ASB8: variants seen among roughly 807,000 people sequenced by gnomAD.
ASB8 encodes ankyrin repeat and SOCS box protein 8.
A neutral mutation model predicts 22.9 loss-of-function variants in ASB8; 15 were observed. That is an observed-to-expected ratio of 0.66 (90% CI 0.44 to 1.01). The LOEUF (loss-of-function observed/expected upper bound fraction) is 1.01, where lower values mean the gene tolerates loss of function less well. Among genes scored for constraint, ASB8 ranks in the 50% least tolerant of loss-of-function variants. ASB8 has a pLI of 0.00. For missense variants in ASB8, 294 were observed against 356.9 expected (o/e 0.82, Z 1.42); for synonymous variants, 124 against 140.8 (o/e 0.88, Z 0.84).
In ASB8 at chr12:48,149,511, G is replaced by C; in HGVS notation, c.722C>G (p.Thr241Ser). 1 of 1,614,236 alleles carries C rather than the reference G, an allele frequency of 6.2e-7. No homozygotes were observed. Among genetic ancestry groups the C allele is most frequent in the Non-Finnish European group, 8.5e-7 (1 of 1,180,050 alleles). ...ARDPQLCEKL[T>S]VLCSAPGTLK... ...AGTTCCTGGAGCTGAGCACAGAACA[G>C]TCAGTTTTTCACATAGCTGCGGGTC... Residue 241 changes from threonine to serine, a missense_variant, in exon 4 of 4, where the codon ACT becomes AGT. Transcript: ENST00000317697.
chr12:48,150,099 G>A lies in ASB8; in HGVS notation c.235-101C>T, dbSNP rs745829297. 4.9e-5 allele frequency: 66 copies of A among 1,342,078 alleles called. No homozygotes were observed. The Middle Eastern group carries it at 5.4e-4, about 11-fold the overall frequency. The allele number at this position is 1,342,078 out of a possible 1,614,324, so 83.1% of individuals were successfully genotyped here. On this transcript the variant is annotated intron_variant, in intron 3 of 3. Coordinates refer to ENST00000317697, the MANE Select transcript of ASB8 (RefSeq NM_024095.5). The stretch of plus-strand genomic sequence containing the variant: ...GGTTACCCACTACCTTTGCTATGCA[G>A]TGCTCTGAACAGGAGGGTCAGCAAG...
intron 1 of ASB8, among the ~76,000 whole-genome samples, chr12:48,155,746 T>A (rs867982294): frequency 0.047 from 6,208 of 131,100 alleles, 240 homozygotes; most frequent in Non-Finnish European, 0.08. Context: ...AAAAAAAATA[T>A]ATATATATAT....
rs770416406 is a variant in ASB8 at position 48,151,246 on chromosome 12, C to T, written c.189G>A (p.Val63=). 3.1e-6 allele frequency: 5 copies of T among 1,614,064 alleles called. No individual in the cohort carries two copies. Among genetic ancestry groups the T allele is most frequent in the Non-Finnish European group, 3.4e-6 (4 of 1,180,024 alleles). ...TLKPLHCACM[V]SDADCVELLL... is the part of the protein sequence containing the mutation. ...GTAACTCCACACAGTCAGCATCTGA[C>T]ACCATACAGGCACAGTGCAAGGGCT... The change falls in exon 3 of 4, where the codon GTG becomes GTA. Residue 63 remains valine, a synonymous_variant. Coordinates refer to ENST00000317697, the MANE Select transcript of ASB8 (RefSeq NM_024095.5).
chr12:48,156,600 C>T (rs769559922), intron 1 of ASB8, among the ~76,000 whole-genome samples: 5 of 152,008 alleles, frequency 3.3e-5, no homozygotes, highest in Non-Finnish European at 7.4e-5. Flanking sequence ...AAAACCCAAT[C>T]GTCTCTACAA....
intron 1 of ASB8, among the ~76,000 whole-genome samples, chr12:48,156,291 A>G (rs1339404262): frequency 6.6e-6 from 1 of 152,186 alleles, no homozygotes; most frequent in Non-Finnish European, 1.5e-5. Flanking sequence ...ATATGTCTCT[A>G]TGACATTTTC....
intron 2 of ASB8, among the ~76,000 whole-genome samples, chr12:48,152,123 GCCTGGGCGAC>G (rs1951212880): frequency 6.7e-6 from 1 of 148,840 alleles, no homozygotes; most frequent in Admixed American, 6.8e-5. Flanking sequence ...TTGCACTCCA[GCCTGGGCGAC>G]GAGCGAAACT....
At chr12:48,151,113 A>G in intron 3 of ASB8, 88 bp downstream of exon 3, 1 of 995,872 alleles carries the variant, frequency 1.0e-6, no homozygotes, top group Non-Finnish European at 1.6e-6. Flanking sequence ...AGGAGGGAAG[A>G]GATGGAGGAG....
chr12:48,155,362 A>G (rs1349743539), intron 1 of ASB8, among the ~76,000 whole-genome samples: 2 of 152,196 alleles, frequency 1.3e-5, no homozygotes, highest in African/African-American at 4.8e-5. Flanking sequence ...TTAGATCCTA[A>G]GAAATTCAAG....
chr12:48,155,575 T>C (rs1438355181), intron 1 of ASB8, among the ~76,000 whole-genome samples: 1 of 150,876 alleles, frequency 6.6e-6, no homozygotes, highest in South Asian at 2.1e-4. Context: ...TACAAAAAAA[T>C]TAGCCAGGCA....
In ASB8 at chr12:48,149,764, A is replaced by G. The variant is rs1311792429; in HGVS notation, c.469T>C (p.Trp157Arg). 2 of 1,614,080 alleles carry G rather than the reference A, an allele frequency of 1.2e-6. No homozygotes were observed. Among genetic ancestry groups the G allele is most frequent in the African/African-American group, 2.7e-5 (2 of 74,938 alleles). Residue 157 changes from tryptophan to arginine, a missense_variant, in exon 4 of 4, where the codon TGG becomes CGG. Transcript: ENST00000317697. ...LDYNNDTPLS[W>R]AAMKGNLESV... The stretch of plus-strand genomic sequence containing the variant: ...TCAAGATTTCCCTTCATGGCAGCCC[A>G]GCTGAGCGGTGTATCATTGTTGTAA...
intron 3 of ASB8, 96 bp downstream of exon 3, chr12:48,151,100 TGGAGG>T: frequency 1.1e-6 from 1 of 882,332 alleles, no homozygotes; most frequent in Non-Finnish European, 1.9e-6. Flanking sequence ...AAGTTCAGAC[TGGAGG>T]AGGGAAGAGA....
intron 1 of ASB8, among the ~76,000 whole-genome samples, chr12:48,156,578 C>T (rs982350268): frequency 1.3e-5 from 2 of 151,800 alleles, no homozygotes; most frequent in Non-Finnish European, 2.9e-5. Flanking sequence ...AGCAACATGG[C>T]GAGACGACCC....
At chr12:48,152,244 G>C (rs1389657555) in intron 2 of ASB8, among the ~76,000 whole-genome samples, 1 of 152,024 alleles carries the variant, frequency 6.6e-6, no homozygotes, top group East Asian at 1.9e-4. Flanking sequence ...AATGTTACAA[G>C]GTTTCTACCG....
intron 2 of ASB8, among the ~76,000 whole-genome samples, chr12:48,152,253 C>T (rs896183974): frequency 3.9e-5 from 6 of 152,096 alleles, no homozygotes; most frequent in East Asian, 3.9e-4. Flanking sequence ...AGGTTTCTAC[C>T]GCGGAGTCTC....
chr12:48,151,630 C>G (rs1951204845), intron 2 of ASB8: 2 of 1,390,358 alleles, frequency 1.4e-6, no homozygotes, highest in South Asian at 2.4e-5. Flanking sequence ...GGCAGGAAAG[C>G]TGGACCAGCA....
chr12:48,153,297 A>G, intron 2 of ASB8, 71 bp downstream of exon 2: 1 of 1,564,810 alleles, frequency 6.4e-7, no homozygotes. Context: ...CAAAGCTGCA[A>G]ATCTGTGATC....
intron 3 of ASB8, chr12:48,150,278 AT>A: frequency 3.0e-6 from 2 of 677,426 alleles, no homozygotes; most frequent in Non-Finnish European, 5.4e-6. Context: ...TCTTTTATCT[AT>A]TCATTAGAAT....
intron 1 of ASB8, among the ~76,000 whole-genome samples, chr12:48,154,478 C>G (rs551321077): frequency 0.017 from 943 of 54,328 alleles, 12 homozygotes; most frequent in African/African-American, 0.058. Flanking sequence ...GAGACTCTAT[C>G]TCAAAAAAAA....
chr12:48,149,737 T>A lies in ASB8; in HGVS notation c.496A>T (p.Ser166Cys). ...SWAAMKGNLESVSILLDYGAE... is the reference protein window; with the variant it reads ...SWAAMKGNLECVSILLDYGAE... ...CCATAATCCAGAAGGATGCTGACAC[T>A]CTCAAGATTTCCCTTCATGGCAGCC... Residue 166 changes from serine to cysteine, a missense_variant, in exon 4 of 4, where the codon AGT (serine) becomes TGT (cysteine). Coordinates refer to ENST00000317697, the MANE Select transcript of ASB8 (RefSeq NM_024095.5). 2 of 1,614,182 alleles carry A rather than the reference T, an allele frequency of 1.2e-6. No individual in the cohort carries two copies. The highest frequency in any genetic ancestry group is 1.6e-4 in the Middle Eastern group (1 of 6,062).
Sources: allele counts gnomAD v4.1 joint callset (sites outside exome capture counted in the v4.1 genomes callset), GRCh38; gene constraint gnomAD v4.1.1; transcripts MANE v1.5; gene names NCBI Gene and HGNC (gene_info 2026-07-23, HGNC 2026-07-21).